The following LMNA variants were observed in gnomAD, a reference collection of about 807,000 sequenced individuals.
The protein encoded by LMNA is lamin.
Under a neutral mutation model 70.4 loss-of-function variants are expected in LMNA, and 20 were observed. The observed-to-expected ratio is 0.28, with a 90% CI of 0.20 to 0.41. LMNA has a LOEUF of 0.41. Among genes scored for constraint, LMNA ranks in the 10% least tolerant of loss-of-function variants. LMNA has a pLI of 1.00. For synonymous variants in LMNA, 339 were observed against 372.8 expected (o/e 0.91, Z 1.04); for missense variants, 652 against 917.2 (o/e 0.71, Z 3.73).
At chr1:156,117,924 T>G (rs1393345943) in intron 1 of LMNA, among the ~76,000 whole-genome samples, 1 of 151,350 alleles carries the variant, frequency 6.6e-6, no homozygotes, top group Non-Finnish European at 1.5e-5. Context: ...CGTCTCACCT[T>G]CCGGAATAGC....
intron 1 of LMNA, among the ~76,000 whole-genome samples, chr1:156,127,211 A>G (rs754690634): frequency 1.3e-5 from 2 of 152,160 alleles, no homozygotes; most frequent in Non-Finnish European, 2.9e-5. Flanking sequence ...GGGCGGGGGC[A>G]GGGAGGAGGG....
intron 2 of LMNA, 43 bp downstream of exon 2, chr1:156,130,816 C>T (rs1650996546): frequency 6.5e-7 from 1 of 1,537,360 alleles, no homozygotes. Flanking sequence ...CCACCTAACA[C>T]ATGTACACTC....
chr1:156,139,753 T>C lies in LMNA; in HGVS notation c.*647T>C. The stretch of plus-strand genomic sequence containing the variant: ...TCCCAGGTACCAGCTGCGCTTGCTT[T>C]TCTGTATTTTATTTAGACAAGAGAT... On this transcript the variant is annotated 3_prime_UTR_variant, in exon 12 of 12. Coordinates refer to ENST00000368300, the MANE Select transcript of LMNA (RefSeq NM_170707.4). 1 of 1,534,174 alleles carries C rather than the reference T, an allele frequency of 6.5e-7. No homozygotes were observed. The highest frequency in any genetic ancestry group is 8.7e-7 in the Non-Finnish European group (1 of 1,146,560).
At chr1:156,097,940 CGTGT>C (rs1648999560) in intron 3 of LMNA, among the ~76,000 whole-genome samples, 1 of 151,936 alleles carries the variant, frequency 6.6e-6, no homozygotes, top group Admixed American at 6.6e-5. Context: ...GGTGCGTGTG[CGTGT>C]GTGCGTGCGT....
rs375516745 is a variant in LMNA at position 156,137,028 on chromosome 1, G to A, written c.1488G>A (p.Thr496=). The A allele has an allele frequency of 2.7e-5, 44 of 1,614,194 alleles. No homozygotes were observed. The highest frequency in any genetic ancestry group is 1.3e-4 in the African/African-American group (10 of 75,046). The change falls in exon 8 of 12, where the codon ACG becomes ACA. Residue 496 remains threonine (T), a splice_region_variant and synonymous_variant. Coordinates refer to ENST00000368300, the MANE Select transcript of LMNA (RefSeq NM_170707.4). The surrounding 1 kb of genome is among the most constrained non-coding windows in gnomAD (Gnocchi z 4.6). ...KFTLKAGQVV[T]IWAAGAGATH... is the part of the protein sequence containing the mutation. The stretch of plus-strand genomic sequence containing the variant: ...CCCTGAAGGCTGGGCAGGTGGTGAC[G>A]GTGAGTGGCAGGGCGCTTGGGACTC...
chr1:156,086,744 A>G (rs144492956), intron 2 of LMNA, among the ~76,000 whole-genome samples: 1,602 of 152,060 alleles, frequency 0.011, 9 homozygotes, highest in Middle Eastern at 0.02. Context: ...GGTTCAAGCT[A>G]TTCTCCTGCC....
chr1:156,107,634 G>A (rs1649397588), intron 3 of LMNA, among the ~76,000 whole-genome samples: 2 of 152,062 alleles, frequency 1.3e-5, no homozygotes, highest in Admixed American at 1.3e-4. Flanking sequence ...GGGGATCTCT[G>A]ACTTTACAAA....
Position 156,139,739 on chromosome 1 carries a change from A to G in LMNA, c.*633A>G. 1.3e-6 allele frequency: 2 copies of G among 1,506,180 alleles called. No homozygotes were observed. Among genetic ancestry groups the G allele is most frequent in the Non-Finnish European group, 1.8e-6 (2 of 1,130,806 alleles). 93.3% of individuals were successfully genotyped at this position (1,506,180 alleles called of 1,614,324 possible). A position where few individuals can be genotyped will look rare whatever the true frequency, so the allele number is the denominator to read the frequency against. On this transcript the variant is annotated 3_prime_UTR_variant, in exon 12 of 12. Coordinates refer to ENST00000368300, the MANE Select transcript of LMNA (RefSeq NM_170707.4). The stretch of plus-strand genomic sequence containing the variant: ...GGGTGAGTCCATTCTCCCAGGTACC[A>G]GCTGCGCTTGCTTTTCTGTATTTTA...
chr1:156,090,184 T>C (rs1274865513), intron 2 of LMNA, among the ~76,000 whole-genome samples: 1 of 152,222 alleles, frequency 6.6e-6, no homozygotes, highest in East Asian at 1.9e-4. Context: ...CACAGATGAA[T>C]TGACAGCATA....
Position 156,137,263 on chromosome 1 carries a change from G to A in LMNA, c.1608+31G>A. 1 of 1,547,236 alleles carries A rather than the reference G, an allele frequency of 6.5e-7. No homozygotes were observed. Among genetic ancestry groups the A allele is most frequent in the Non-Finnish European group, 8.7e-7 (1 of 1,151,152 alleles). On this transcript the variant is annotated intron_variant, in intron 9 of 11. Transcript: ENST00000368300. The surrounding 1 kb of genome is among the most constrained non-coding windows in gnomAD (Gnocchi z 4.6). ...TAGGCCTGGGCCTGGCTGCTTGCTG[G>A]ACGAGGCTCCCCCTGATGGCCAACA...
At chr1:156,126,312 T>C in intron 1 of LMNA, 1 of 1,032,054 alleles carries the variant, frequency 9.7e-7, no homozygotes, top group South Asian at 1.7e-5. Context: ...CCCTCCCACT[T>C]GTTATTTTTA....
At chr1:156,124,095 A>C (rs1335492724) in intron 1 of LMNA, among the ~76,000 whole-genome samples, 1 of 152,164 alleles carries the variant, frequency 6.6e-6, no homozygotes, top group Non-Finnish European at 1.5e-5. Flanking sequence ...TGTCACGCCC[A>C]AGGGAAGCGT....
At chr1:156,098,893 G>T (rs1649039837) in intron 3 of LMNA, among the ~76,000 whole-genome samples, 1 of 152,214 alleles carries the variant, frequency 6.6e-6, no homozygotes, top group Non-Finnish European at 1.5e-5. Flanking sequence ...ACAAGCAACA[G>T]TTCTCCCTGG....
rs869025456 is a variant in LMNA at position 156,130,638 on chromosome 1, C to T, written c.378C>T (p.Asp126=). 1 of 1,614,068 alleles carries T rather than the reference C, an allele frequency of 6.2e-7. No individual in the cohort carries two copies. The highest frequency in any genetic ancestry group is 2.2e-5 in the East Asian group (1 of 44,878). The part of the protein sequence containing the change: ...LKARNTKKEG[D]LIAAQARLKD... ...TTAGCAATACCAAGAAGGAGGGTGA[C>T]CTGATAGCTGCTCAGGCTCGGCTGA... Residue 126 remains aspartate, a synonymous_variant, in exon 2 of 12, where the codon GAC becomes GAT. Transcript: ENST00000368300.
In LMNA at chr1:156,104,216, C is replaced by T. The variant is rs151285859; in HGVS notation, c.-206-10497C>T. Among the ~76,000 whole-genome samples the T allele has an allele frequency of 9.2e-5, 14 of 152,330 alleles. No individual in the cohort carries two copies. The East Asian group carries it at 2.7e-3, about 29-fold the overall frequency. ...GGTGCGTGTATGGAGGGGTATAGCTCAGCCTCCCAGCTCGGGTGGGGAGCG... is the reference window on the plus strand; with the variant it reads ...GGTGCGTGTATGGAGGGGTATAGCTTAGCCTCCCAGCTCGGGTGGGGAGCG... On this transcript the variant is annotated intron_variant, in intron 3 of 12. Transcript: ENST00000368301.
chr1:156,087,861 CTTTT>C (rs376457819), intron 2 of LMNA, among the ~76,000 whole-genome samples: 1 of 151,196 alleles, frequency 6.6e-6, no homozygotes, highest in Non-Finnish European at 1.5e-5. Context: ...CCTTTCTTTC[CTTTT>C]TTTTCTTTCT....
intron 1 of LMNA, among the ~76,000 whole-genome samples, chr1:156,118,465 C>G (rs582690): frequency 0.15 from 22,626 of 152,002 alleles, 3,708 homozygotes; most frequent in African/African-American, 0.41. Context: ...TTAGCCACCT[C>G]CCTCTGTTCT....
chr1:156,087,878 CT>C (rs577355919), intron 2 of LMNA, among the ~76,000 whole-genome samples: 2,343 of 143,554 alleles, frequency 0.016, 56 homozygotes, highest in African/African-American at 0.053. Context: ...TTCTTTCTTT[CT>C]TTTTTTTTTT....
In LMNA at chr1:156,125,576, C is replaced by A. The variant is rs537113923; in HGVS notation, c.357-5041C>A. ...TGGTGGCAGGCGCCTGTAATCCCAG[C>A]TACTCTGGAGGCTGAGGCACAAGAA... On this transcript the variant is annotated intron_variant, in intron 1 of 11. Coordinates refer to ENST00000368300, the MANE Select transcript of LMNA (RefSeq NM_170707.4). 7.2e-5 allele frequency among the ~76,000 whole-genome samples: 11 copies of A among 151,948 alleles called. No homozygotes were observed. The East Asian group carries it at 1.9e-3, about 27-fold the overall frequency.
Sources: gnomAD v4.1 joint callset for allele counts (sites outside exome capture counted in the v4.1 genomes callset) on GRCh38, gnomAD v4.1.1 for gene constraint, Gnocchi (gnomAD v3.1) non-coding constraint, MANE v1.5 for transcripts, NCBI Gene and HGNC (gene_info 2026-07-23, HGNC 2026-07-21) for gene names.